The following F13A1 variants were observed in gnomAD, a reference collection of about 807,000 sequenced individuals.
The protein encoded by F13A1 is FSF, A subunit.
F13A1 carries 47 observed loss-of-function variants against 80.1 expected under a neutral mutation model. The ratio of observed to expected loss-of-function variants is 0.59; its 90% CI spans 0.46 to 0.75. The LOEUF (loss-of-function observed/expected upper bound fraction) is 0.75, where lower values mean the gene tolerates loss of function less well. Among genes scored for constraint, F13A1 ranks in the 30% least tolerant of loss-of-function variants. The pLI is 0.00. For missense variants in F13A1, 817 were observed against 930.4 expected (o/e 0.88, Z 1.59); for synonymous variants, 349 against 344.9 (o/e 1.01, Z -0.13).
At position 6,243,463 on chromosome 6, in the gene F13A1, C is replaced by T. The variant is rs777276644; in HGVS notation, c.798+4849G>A. The stretch of plus-strand genomic sequence containing the variant: ...CCCAGTGCCTATGGCTATTTAGAAT[C>T]CTCTGATTGATACCTTTCTTCACTT... On this transcript the variant is annotated intron_variant, in intron 6 of 14. Transcript: ENST00000264870. The surrounding 1 kb of genome is among the most constrained non-coding windows in gnomAD (Gnocchi z 4.2). Among the ~76,000 whole-genome samples the T allele has an allele frequency of 7.2e-5, 11 of 152,184 alleles. No homozygotes were observed. Among genetic ancestry groups the T allele is most frequent in the Non-Finnish European group, 1.6e-4 (11 of 68,046 alleles).
At chr6:6,235,698 G>A (rs1304238457) in intron 6 of F13A1, among the ~76,000 whole-genome samples, 2 of 151,996 alleles carry the variant, frequency 1.3e-5, no homozygotes, top group Non-Finnish European at 1.5e-5. Context: ...AATGTAAAAT[G>A]CCCATCCAAT....
chr6:6,153,420 A>G (rs1234705878), intron 13 of F13A1, among the ~76,000 whole-genome samples: 1 of 152,222 alleles, frequency 6.6e-6, no homozygotes, highest in African/African-American at 2.4e-5. Flanking sequence ...ATTATTATAT[A>G]TCGATTAAAA....
In F13A1 at chr6:6,250,784, G is replaced by T; in HGVS notation, c.690+27C>A. ...AAAAATATGAAGTAAAAATGTCCTT[G>T]ACAATAACAAATTTTAAGTGGCTCA... On this transcript the variant is annotated intron_variant, in intron 5 of 14. Coordinates refer to ENST00000264870, the MANE Select transcript of F13A1 (RefSeq NM_000129.4). This position sits in a 1 kb window ranked among gnomAD's most constrained non-coding sequence, Gnocchi z 4.2. 1 of 1,469,558 alleles carries T rather than the reference G, an allele frequency of 6.8e-7. No homozygotes were observed. The highest frequency in any genetic ancestry group is 9.5e-7 in the Non-Finnish European group (1 of 1,048,804). The allele number at this position is 1,469,558 out of a possible 1,614,324, so 91.0% of individuals were successfully genotyped here.
At chr6:6,199,813 C>A (rs574143059) in intron 8 of F13A1, among the ~76,000 whole-genome samples, 1 of 152,058 alleles carries the variant, frequency 6.6e-6, no homozygotes, top group Non-Finnish European at 1.5e-5. Context: ...CTGAGTCCTC[C>A]CCGGCTGTCC....
intron 3 of F13A1, among the ~76,000 whole-genome samples, chr6:6,295,879 G>T (rs1234805960): frequency 2.9e-5 from 4 of 140,212 alleles, no homozygotes; most frequent in Non-Finnish European, 5.9e-5. Context: ...ATGGTTTTAG[G>T]TCTAACGTTT....
At chr6:6,211,881 A>C (rs1761620229) in intron 8 of F13A1, among the ~76,000 whole-genome samples, 1 of 152,244 alleles carries the variant, frequency 6.6e-6, no homozygotes. Flanking sequence ...GCAAGGGGTC[A>C]GGGAGTTCCC....
intron 4 of F13A1, among the ~76,000 whole-genome samples, chr6:6,262,297 C>T (rs1364396599): frequency 1.3e-5 from 2 of 152,236 alleles, no homozygotes; most frequent in Non-Finnish European, 2.9e-5. Flanking sequence ...CAGAGTGCAT[C>T]CTTCCTGCTC....
intron 14 of F13A1, among the ~76,000 whole-genome samples, chr6:6,150,298 C>T (rs548200910): frequency 2.8e-4 from 43 of 152,248 alleles, no homozygotes; most frequent in Non-Finnish European, 4.9e-4. Flanking sequence ...TCGTTTCTGA[C>T]GAAAGCAGGG....
intron 4 of F13A1, among the ~76,000 whole-genome samples, chr6:6,253,247 A>G (rs986548292): frequency 6.6e-6 from 1 of 152,104 alleles, no homozygotes; most frequent in East Asian, 1.9e-4. Context: ...AGGTAAATTA[A>G]ACTTTGGACC....
At chr6:6,188,187 C>T (rs1378841336) in intron 10 of F13A1, among the ~76,000 whole-genome samples, 2 of 152,096 alleles carry the variant, frequency 1.3e-5, no homozygotes, top group South Asian at 2.1e-4. Context: ...CCTGGATTCA[C>T]TAATTTTTTG....
chr6:6,167,642 G>T, intron 12 of F13A1, 24 bp from the exon 13 acceptor site: 1 of 1,611,806 alleles, frequency 6.2e-7, no homozygotes, highest in East Asian at 2.2e-5. Flanking sequence ...ACACACACAG[G>T]CCTGGCATCA....
chr6:6,271,161 G>C (rs1306288791), intron 3 of F13A1, among the ~76,000 whole-genome samples: 1 of 152,174 alleles, frequency 6.6e-6, no homozygotes, highest in Non-Finnish European at 1.5e-5. Flanking sequence ...AAGCTGGTTA[G>C]GAATGTGGAA....
chr6:6,208,749 A>T (rs952857523), intron 8 of F13A1, among the ~76,000 whole-genome samples: 2 of 152,144 alleles, frequency 1.3e-5, no homozygotes, highest in African/African-American at 4.8e-5. Flanking sequence ...AATCAATAAG[A>T]TGATTTTAGT....
At chr6:6,177,814 C>T (rs956346695) in intron 11 of F13A1, among the ~76,000 whole-genome samples, 2 of 152,236 alleles carry the variant, frequency 1.3e-5, no homozygotes, top group African/African-American at 4.8e-5. Flanking sequence ...GCCTGCAGTG[C>T]ATGGGGAAAG....
chr6:6,171,357 C>G (rs890616633), intron 12 of F13A1, among the ~76,000 whole-genome samples: 1 of 152,342 alleles, frequency 6.6e-6, no homozygotes, highest in South Asian at 2.1e-4. Context: ...CAAATGTAAA[C>G]ATGTTGGAAG....
chr6:6,256,287 G>A (rs1757700990), intron 4 of F13A1, among the ~76,000 whole-genome samples: 1 of 152,092 alleles, frequency 6.6e-6, no homozygotes, highest in Admixed American at 6.5e-5. Context: ...GGACTGAGGG[G>A]AGAAATAAGG....
intron 3 of F13A1, among the ~76,000 whole-genome samples, chr6:6,293,790 G>A (rs930875364): frequency 5.7e-5 from 4 of 70,516 alleles, no homozygotes; most frequent in South Asian, 5.9e-4. Context: ...AGAGAGGGAG[G>A]GAGGGAGGGA....
At chr6:6,300,315 G>A (rs1758404616) in intron 3 of F13A1, among the ~76,000 whole-genome samples, 1 of 151,004 alleles carries the variant, frequency 6.6e-6, no homozygotes, top group Admixed American at 6.6e-5. Flanking sequence ...GCAAGCCTGG[G>A]CAATGGCGGG....
chr6:6,241,896 T>C (rs967786920), intron 6 of F13A1, among the ~76,000 whole-genome samples: 11 of 152,166 alleles, frequency 7.2e-5, no homozygotes, highest in African/African-American at 2.7e-4. Flanking sequence ...GTTTGTTGCA[T>C]GAAGAGGTTT....
Sources: gnomAD v4.1 joint callset for allele counts (sites outside exome capture counted in the v4.1 genomes callset) on GRCh38, gnomAD v4.1.1 for gene constraint, Gnocchi (gnomAD v3.1) non-coding constraint, MANE v1.5 for transcripts, NCBI Gene and HGNC (gene_info 2026-07-23, HGNC 2026-07-21) for gene names.